Variants in WDR37 observed in about 807,000 individuals in gnomAD.
WDR37 encodes the protein WD repeat-containing protein 37.
A neutral mutation model predicts 62.9 loss-of-function variants in WDR37; 19 were observed. That is an observed-to-expected ratio of 0.30 (90% CI 0.21 to 0.44). The LOEUF is 0.44. WDR37 is among the 20% of genes least tolerant of loss of function. The pLI is 1.00. For synonymous variants in WDR37, 250 were observed against 260.9 expected (o/e 0.96, Z 0.40); for missense variants, 474 against 657.6 (o/e 0.72, Z 3.05).
At chr10:1,065,267 A>G (rs141670405) in intron 1 of WDR37, among the ~76,000 whole-genome samples, 1 of 152,316 alleles carries the variant, frequency 6.6e-6, no homozygotes, top group African/African-American at 2.4e-5. Context: ...GGAAAGGTAA[A>G]GAAGCATAGA....
chr10:1,086,495 T>A, intron 7 of WDR37, 138 bp downstream of exon 7: 1 of 638,338 alleles, frequency 1.6e-6, no homozygotes, highest in Non-Finnish European at 2.7e-6. Context: ...GTGTGGTCTG[T>A]TCAGAGACTG....
At chr10:1,079,969 T>C in intron 3 of WDR37, 42 bp from the exon 4 acceptor site, 1 of 1,586,870 alleles carries the variant, frequency 6.3e-7, no homozygotes, top group Non-Finnish European at 8.6e-7. Context: ...CACTTAAACA[T>C]AAAAACATAC....
intron 13 of WDR37, among the ~76,000 whole-genome samples, chr10:1,128,866 C>T (rs972961977): frequency 2.6e-5 from 4 of 151,034 alleles, no homozygotes; most frequent in South Asian, 2.1e-4. Flanking sequence ...CCATGCTCGG[C>T]GGTCCATGCT....
At chr10:1,115,358 T>C (rs537679525) in intron 11 of WDR37, among the ~76,000 whole-genome samples, 1 of 152,328 alleles carries the variant, frequency 6.6e-6, no homozygotes, top group South Asian at 2.1e-4. Flanking sequence ...TTTTAAAAGA[T>C]CAGTTGAGAA....
At chr10:1,100,285 A>AGCACTGC (rs1834748622) in intron 9 of WDR37, among the ~76,000 whole-genome samples, 1 of 109,694 alleles carries the variant, frequency 9.1e-6, no homozygotes, top group Non-Finnish European at 2.2e-5. Flanking sequence ...CTGTCCTGGG[A>AGCACTGC]GCACTGCACA....
At chr10:1,075,676 G>A (rs1833858684) in intron 2 of WDR37, among the ~76,000 whole-genome samples, 1 of 152,078 alleles carries the variant, frequency 6.6e-6, no homozygotes, top group African/African-American at 2.4e-5. Context: ...TTGTGGGGAG[G>A]GATGTTCACA....
Position 1,062,927 on chromosome 10 carries a change from A to G in WDR37, c.-41+5959A>G, listed in dbSNP as rs375471696. 2.6e-5 allele frequency among the ~76,000 whole-genome samples: 4 copies of G among 152,290 alleles called. No homozygotes were observed. In the East Asian group the frequency reaches 7.7e-4, roughly 29 times the overall value. ...ATGGTGAAACCTTGTCTCCGCTAAA[A>G]ATACAATAATTAGCCAGATGTGCTG... On this transcript the variant is annotated intron_variant, in intron 1 of 13. Transcript: ENST00000263150.
intron 11 of WDR37, among the ~76,000 whole-genome samples, chr10:1,123,076 T>C (rs1461088518): frequency 2.0e-5 from 3 of 152,212 alleles, no homozygotes; most frequent in African/African-American, 7.2e-5. Flanking sequence ...GGCGTGGGTC[T>C]CCCATCTTAG....
In WDR37 at chr10:1,098,304, T is replaced by TCTAC. The variant is rs1388874049; in HGVS notation, c.726+2060_726+2063dup. On this transcript the variant is annotated intron_variant, in intron 9 of 13. Coordinates refer to ENST00000263150, the MANE Select transcript of WDR37 (RefSeq NM_014023.4). ...TGCCCTTGTGTGTGCACGCTCTCTT[T>TCTAC]CTACCCCCTCCCCATCTGTCCGTTT... Among the ~76,000 whole-genome samples the TCTAC allele has an allele frequency of 2.7e-5, 4 of 150,880 alleles. No individual in the cohort carries two copies. In the East Asian group the frequency reaches 7.9e-4, roughly 30 times the overall value.
chr10:1,106,493 G>C (rs1835026843), intron 11 of WDR37, among the ~76,000 whole-genome samples: 5 of 152,168 alleles, frequency 3.3e-5, no homozygotes, highest in Admixed American at 3.3e-4. Flanking sequence ...TAAGATGTTG[G>C]AAAGGAAAAT....
chr10:1,081,601 G>C (rs1317661704), intron 5 of WDR37, among the ~76,000 whole-genome samples: 1 of 151,764 alleles, frequency 6.6e-6, no homozygotes, highest in Non-Finnish European at 1.5e-5. Flanking sequence ...ATTTTCTACT[G>C]TACTTTCCTT....
chr10:1,079,365 A>G (rs1447213900), intron 3 of WDR37, among the ~76,000 whole-genome samples: 1 of 150,848 alleles, frequency 6.6e-6, no homozygotes, highest in Non-Finnish European at 1.5e-5. Context: ...GATTACAGGC[A>G]TGAGATACTG....
At position 1,056,706 on chromosome 10, in the gene WDR37, G is replaced by A. The variant is rs184187358; in HGVS notation, c.-303G>A. ...CCTCGGGGCTGCGGGGCGGAAGCCG[G>A]GGCGTGACTTCCGGCGCCGCCGGGT... On this transcript the variant is annotated 5_prime_UTR_variant, in exon 1 of 14. Transcript: ENST00000263150. 6.6e-6 allele frequency: 1 copy of A among 152,326 alleles called. No individual in the cohort carries two copies. Among genetic ancestry groups the A allele is most frequent in the Non-Finnish European group, 1.5e-5 (1 of 68,104 alleles). 9.4% of individuals were successfully genotyped at this position (152,326 alleles called of 1,614,324 possible). A position where few individuals can be genotyped will look rare whatever the true frequency, so the allele number is the denominator to read the frequency against.
chr10:1,060,377 A>T (rs1833337658), intron 1 of WDR37, among the ~76,000 whole-genome samples: 1 of 152,170 alleles, frequency 6.6e-6, no homozygotes, highest in Non-Finnish European at 1.5e-5. Flanking sequence ...GTTCAGAAGG[A>T]GCGTTTATTC....
rs1197688506 is a variant in WDR37, at chr10:1,086,358, G to A, written c.604+1G>A. On this transcript the variant is annotated splice_donor_variant, in intron 7 of 13. Transcript: ENST00000263150. LOFTEE classifies it high-confidence loss of function. ...AAGTACGCAGGCCACGTGGGCTCAG[G>A]TAAGCACTGCCTAAGGAGTGCCGTA... is the stretch of plus-strand genomic sequence containing the variant. 6.2e-7 allele frequency: 1 copy of A among 1,613,764 alleles called. No individual in the cohort carries two copies. Among genetic ancestry groups the A allele is most frequent in the Non-Finnish European group, 8.5e-7 (1 of 1,179,656 alleles).
At chr10:1,107,005 C>T (rs900486238) in intron 11 of WDR37, among the ~76,000 whole-genome samples, 3 of 152,182 alleles carry the variant, frequency 2.0e-5, no homozygotes, top group South Asian at 4.1e-4. Context: ...TCTGCCAGCT[C>T]CGTCAGCGAT....
chr10:1,105,679 C>A lies in WDR37; in HGVS notation c.1103+412C>A, dbSNP rs929018847. On this transcript the variant is annotated intron_variant, in intron 11 of 13. Coordinates refer to ENST00000263150, the MANE Select transcript of WDR37 (RefSeq NM_014023.4). The surrounding 1 kb of genome is among the most constrained non-coding windows in gnomAD (Gnocchi z 5.3). ...TAGTTTTTGTTATTACACGTGTCTG[C>A]GTGGTATATTCTGGGAGAAGGTATA... Among the ~76,000 whole-genome samples, 1 of 152,148 alleles carries A rather than the reference C, an allele frequency of 6.6e-6. No homozygotes were observed. The highest frequency in any genetic ancestry group is 2.4e-5 in the African/African-American group (1 of 41,452).
Position 1,103,915 on chromosome 10 carries a change from C to G in WDR37, c.961+79C>G. 1 of 1,422,386 alleles carries G rather than the reference C, an allele frequency of 7.0e-7. No homozygotes were observed. 88.1% of individuals were successfully genotyped at this position (1,422,386 alleles called of 1,614,324 possible). On this transcript the variant is annotated intron_variant, in intron 10 of 13. Coordinates refer to ENST00000263150, the MANE Select transcript of WDR37 (RefSeq NM_014023.4). The surrounding 1 kb of genome is among the most constrained non-coding windows in gnomAD (Gnocchi z 6.3). ...CCATGGGTTATGTCTGACCTTGCCA[C>G]TTACTTCTTGACCAGAATGAGTCTC...
intron 11 of WDR37, among the ~76,000 whole-genome samples, chr10:1,107,667 G>A (rs548316240): frequency 6.7e-6 from 1 of 149,146 alleles, no homozygotes; most frequent in Non-Finnish European, 1.5e-5. Flanking sequence ...TGAAACACAC[G>A]CCCACTAACC....
Sources: allele counts gnomAD v4.1 joint callset (sites outside exome capture counted in the v4.1 genomes callset), GRCh38; gene constraint gnomAD v4.1.1; non-coding constraint Gnocchi (gnomAD v3.1); transcripts MANE v1.5; gene names NCBI Gene and HGNC (gene_info 2026-07-23, HGNC 2026-07-21).